Variants in ACSM2B observed in about 807,000 individuals in gnomAD.
ACSM2B encodes acyl-CoA synthetase medium chain family member 2B.
In ACSM2B, 58 loss-of-function variants were observed where a neutral mutation model predicts 78.6. The observed-to-expected ratio is 0.74, with a 90% CI of 0.60 to 0.92. The LOEUF (loss-of-function observed/expected upper bound fraction) is 0.92, where lower values mean the gene tolerates loss of function less well. Ranked by LOEUF, ACSM2B falls within the 40% of genes least tolerant of loss-of-function variation. The pLI is 0.00. For missense variants in ACSM2B, 688 were observed against 711.2 expected (o/e 0.97, Z 0.37); for synonymous variants, 257 against 256.8 (o/e 1.00, Z -0.01).
Position 20,576,320 on chromosome 16 carries a change from C to G in ACSM2B, c.-122G>C, listed in dbSNP as rs948872043. 2.6e-5 allele frequency: 4 copies of G among 151,066 alleles called. No homozygotes were observed. Among genetic ancestry groups the G allele is most frequent in the Non-Finnish European group, 5.9e-5 (4 of 67,930 alleles). The allele number at this position is 151,066 out of a possible 1,614,324, so 9.4% of individuals were successfully genotyped here. ...AAGAGAGCACAGTAACTCAAGCAGA[C>G]AGCTTCAGAATCCCTGCACTGTCGG... On this transcript the variant is annotated 5_prime_UTR_variant, in exon 1 of 14. Coordinates refer to ENST00000329697, the MANE Select transcript of ACSM2B (RefSeq NM_001105069.2).
chr16:20,556,022 T>C (rs923276843), intron 3 of ACSM2B, among the ~76,000 whole-genome samples: 1 of 152,038 alleles, frequency 6.6e-6, no homozygotes, highest in Admixed American at 6.5e-5. Flanking sequence ...GTATTATAAT[T>C]TTTGAAGACA....
rs562921253 is a variant in ACSM2B at position 20,564,602 on chromosome 16, A to G, written c.177+67T>C. The stretch of plus-strand genomic sequence containing the variant: ...ATAAGTACTTAACAAATATTTACTG[A>G]ATTAATGGATGAATTTTAAAAGTCA... On this transcript the variant is annotated intron_variant, in intron 2 of 13. Transcript: ENST00000329697. The G allele has an allele frequency of 2.4e-4, 365 of 1,537,766 alleles. 3 individuals carry two copies. The South Asian group carries it at 4.1e-3, about 17-fold the overall frequency.
At chr16:20,561,500 G>T (rs1417964841) in intron 2 of ACSM2B, among the ~76,000 whole-genome samples, 1 of 151,630 alleles carries the variant, frequency 6.6e-6, no homozygotes, top group Non-Finnish European at 1.5e-5. Flanking sequence ...CGAAGGGGAT[G>T]GTGCTAAGTC....
At chr16:20,549,669 C>T (rs1219838818) in intron 6 of ACSM2B, 1 of 386,644 alleles carries the variant, frequency 2.6e-6, no homozygotes, top group African/African-American at 2.1e-5. Context: ...ATGACAGAGC[C>T]CTCAGGAGGT....
At chr16:20,573,595 T>G (rs557408834) in intron 1 of ACSM2B, among the ~76,000 whole-genome samples, 1 of 142,372 alleles carries the variant, frequency 7.0e-6, no homozygotes, top group East Asian at 2.0e-4. Flanking sequence ...TCTTTTCCAA[T>G]CTATCAGGGG....
Position 20,553,877 on chromosome 16 carries a change from C to T in ACSM2B, c.640G>A (p.Glu214Lys). ...THHCVETGSQ[E>K]ASAIYFTSGT... ...CTAGTGAAGTAGATGGCAGATGCTTCCTGGCTTCCAGTCTCCACACAGTGA... is the reference window on the plus strand; with the variant it reads ...CTAGTGAAGTAGATGGCAGATGCTTTCTGGCTTCCAGTCTCCACACAGTGA... Residue 214 changes from glutamate to lysine, a missense_variant, in exon 5 of 14, where the codon GAA (glutamate) becomes AAA (lysine). Coordinates refer to ENST00000329697, the MANE Select transcript of ACSM2B (RefSeq NM_001105069.2). 1 of 1,613,892 alleles carries T rather than the reference C, an allele frequency of 6.2e-7. No individual in the cohort carries two copies. The highest frequency in any genetic ancestry group is 1.7e-4 in the Middle Eastern group (1 of 6,050).
intron 1 of ACSM2B, among the ~76,000 whole-genome samples, chr16:20,573,535 C>G (rs1314136749): frequency 1.4e-5 from 2 of 140,582 alleles, no homozygotes; most frequent in Non-Finnish European, 3.0e-5. Context: ...GTGTCCCCAG[C>G]TTCACCAGTG....
chr16:20,575,307 A>G (rs549820007), intron 1 of ACSM2B: 48 of 152,012 alleles, frequency 3.2e-4, no homozygotes, highest in African/African-American at 1.1e-3. Context: ...AGTAATACAT[A>G]TAAACTCATA....
rs184578025 is a variant in ACSM2B at position 20,564,867 on chromosome 16, A to G, written c.-8-14T>C. 1.6e-4 allele frequency: 258 copies of G among 1,595,284 alleles called. No homozygotes were observed. The highest frequency in any genetic ancestry group is 3.1e-4 in the Admixed American group (18 of 57,468). ...GCATGTTCAGGCCTGTAAAAGAAAG[A>G]AGAGACACAGGTAAGAGCTTCTTTA... On this transcript the variant is annotated splice_polypyrimidine_tract_variant and intron_variant, in intron 1 of 13. Coordinates refer to ENST00000329697, the MANE Select transcript of ACSM2B (RefSeq NM_001105069.2).
At chr16:20,556,864 T>C (rs951267769) in intron 3 of ACSM2B, among the ~76,000 whole-genome samples, 1 of 152,162 alleles carries the variant, frequency 6.6e-6, no homozygotes, top group African/African-American at 2.4e-5. Context: ...AATTTCAGTA[T>C]GTCACCTTTC....
chr16:20,574,238 C>T (rs974933479), intron 1 of ACSM2B: 3 of 152,038 alleles, frequency 2.0e-5, no homozygotes, highest in African/African-American at 4.8e-5. Context: ...TTCTGCCCGA[C>T]CCCGCAGGCA....
intron 2 of ACSM2B, among the ~76,000 whole-genome samples, chr16:20,563,615 TTC>T (rs1189885071): frequency 2.6e-5 from 4 of 151,924 alleles, no homozygotes; most frequent in Non-Finnish European, 5.9e-5. Flanking sequence ...AAATCTAAAT[TTC>T]TGTTTGAAAA....
intron 1 of ACSM2B, among the ~76,000 whole-genome samples, chr16:20,568,773 G>T (rs1231822844): frequency 2.0e-5 from 3 of 151,788 alleles, no homozygotes; most frequent in Admixed American, 1.3e-4. Context: ...GCAAGAGTAA[G>T]GTGGTATAGC....
chr16:20,547,838 C>G, intron 8 of ACSM2B: 1 of 1,179,514 alleles, frequency 8.5e-7, no homozygotes. Flanking sequence ...TTTATTGTCT[C>G]TCTCCCCAAA....
At chr16:20,571,976 A>T (rs2152152265) in intron 1 of ACSM2B, among the ~76,000 whole-genome samples, 1 of 151,260 alleles carries the variant, frequency 6.6e-6, no homozygotes, top group South Asian at 2.1e-4. Context: ...GTGTTAGATG[A>T]GTCTCTTGAA....
intron 10 of ACSM2B, chr16:20,544,565 T>A: frequency 1.0e-6 from 1 of 984,424 alleles, no homozygotes; most frequent in Non-Finnish European, 1.2e-6. Flanking sequence ...TATTAGTCAA[T>A]TATCTCAGGG....
At chr16:20,563,158 A>C (rs984404728) in intron 2 of ACSM2B, among the ~76,000 whole-genome samples, 2 of 152,170 alleles carry the variant, frequency 1.3e-5, no homozygotes, top group African/African-American at 2.4e-5. Flanking sequence ...TTCTGAAAGA[A>C]AAAAACAACC....
intron 1 of ACSM2B, among the ~76,000 whole-genome samples, chr16:20,566,003 C>T (rs2015814561): frequency 6.6e-6 from 1 of 150,378 alleles, no homozygotes; most frequent in South Asian, 2.1e-4. Context: ...TAAGTCATTG[C>T]TTTTTATGGC....
chr16:20,542,623 G>C (rs1418296193), intron 12 of ACSM2B: 1 of 391,674 alleles, frequency 2.6e-6, no homozygotes, highest in African/African-American at 2.0e-5. Context: ...CCCAGTAGTG[G>C]GATTGCTGGA....
Sources: gnomAD v4.1 joint callset for allele counts (sites outside exome capture counted in the v4.1 genomes callset) on GRCh38, gnomAD v4.1.1 for gene constraint, MANE v1.5 for transcripts, NCBI Gene and HGNC (gene_info 2026-07-23, HGNC 2026-07-21) for gene names.